IL19: variants seen among roughly 807,000 people sequenced by gnomAD.
The protein encoded by IL19 is interleukin 19.
IL19 carries 15 observed loss-of-function variants against 19.5 expected under a neutral mutation model. The observed-to-expected ratio is 0.77, with a 90% CI of 0.52 to 1.19. The LOEUF (loss-of-function observed/expected upper bound fraction) is 1.19, where lower values mean the gene tolerates loss of function less well. Ranked by LOEUF, IL19 falls within the 50% of genes most tolerant of loss-of-function variation. The pLI, the probability that IL19 is intolerant of heterozygous loss-of-function variation, is 0.00. For missense variants in IL19, 199 were observed against 213.1 expected (o/e 0.93, Z 0.41); for synonymous variants, 78 against 78.3 (o/e 1.00, Z 0.02).
intron 4 of IL19, 87 bp downstream of exon 4, chr1:206,837,110 C>A: frequency 9.5e-7 from 1 of 1,052,120 alleles, no homozygotes; most frequent in Non-Finnish European, 1.4e-6. Flanking sequence ...ACCTTGTCCC[C>A]TTCTCTTTCC....
At chr1:206,777,696 T>C (rs1174653503) in intron 1 of IL19, among the ~76,000 whole-genome samples, 2 of 152,228 alleles carry the variant, frequency 1.3e-5, no homozygotes, top group Admixed American at 6.5e-5. Context: ...CGTGCCCATC[T>C]TGGGGATGGG....
intron 5 of IL19, 64 bp from the exon 6 acceptor site, chr1:206,840,940 C>T: frequency 7.6e-6 from 10 of 1,307,970 alleles, no homozygotes; most frequent in Admixed American, 1.7e-5. Flanking sequence ...TGTGGGGAGG[C>T]AGGAGTAAGA....
intron 1 of IL19, among the ~76,000 whole-genome samples, chr1:206,787,210 A>G: frequency 6.6e-6 from 1 of 152,170 alleles, no homozygotes; most frequent in South Asian, 2.1e-4. Flanking sequence ...CACCAACAGA[A>G]TTCTTTCAAT....
rs571608526 is a variant in IL19 at position 206,771,180 on chromosome 1, C to T, written c.-149+102C>T. 133 of 1,254,834 alleles carry T rather than the reference C, an allele frequency of 1.1e-4. 1 individual carries two copies. The South Asian group carries it at 1.2e-3, about 12-fold the overall frequency. 77.7% of individuals were successfully genotyped at this position (1,254,834 alleles called of 1,614,324 possible). A position where few individuals can be genotyped will look rare whatever the true frequency, so the allele number is the denominator to read the frequency against. The stretch of plus-strand genomic sequence containing the variant: ...GATCCTCCTTCACCAGAAGCCTCCC[C>T]GAAGGGACTGAGCCCTTTGTAAACC... On this transcript the variant is annotated intron_variant, in intron 1 of 6. Coordinates refer to ENST00000659997, the MANE Select transcript of IL19 (RefSeq NM_153758.5).
intron 1 of IL19, among the ~76,000 whole-genome samples, chr1:206,777,091 C>T (rs1485702823): frequency 6.6e-6 from 1 of 151,440 alleles, no homozygotes; most frequent in Non-Finnish European, 1.5e-5. Context: ...ATTAGCTGGG[C>T]GTGGTGGCAG....
intron 6 of IL19, 49 bp from the exon 7 acceptor site, chr1:206,842,478 C>T (rs1436869262): frequency 1.7e-6 from 2 of 1,160,794 alleles, no homozygotes; most frequent in Non-Finnish European, 2.5e-6. Context: ...ACTTGAAAAC[C>T]ATTACACAGT....
chr1:206,791,149 C>T (rs1182822251), intron 1 of IL19, among the ~76,000 whole-genome samples: 1 of 152,150 alleles, frequency 6.6e-6, no homozygotes, highest in Admixed American at 6.5e-5. Flanking sequence ...TGAACTTTTC[C>T]TTTTCCTTCT....
At chr1:206,786,555 A>G (rs1344356547) in intron 1 of IL19, among the ~76,000 whole-genome samples, 1 of 152,164 alleles carries the variant, frequency 6.6e-6, no homozygotes, top group Non-Finnish European at 1.5e-5. Context: ...GTTTCATTTC[A>G]GGTAAAATCA....
At chr1:206,777,406 CAAAAAAAAA>C (rs761553258) in intron 1 of IL19, among the ~76,000 whole-genome samples, 1 of 54,040 alleles carries the variant, frequency 1.9e-5, no homozygotes, top group African/African-American at 6.5e-5. Context: ...GACTCCGTCT[CAAAAAAAAA>C]AAAAAAAAAA....
intron 1 of IL19, among the ~76,000 whole-genome samples, chr1:206,785,402 T>A (rs1675247055): frequency 6.6e-6 from 1 of 151,890 alleles, no homozygotes. Flanking sequence ...TTCTAGAGAG[T>A]CAGGAGGTCA....
chr1:206,828,006 C>A (rs1676485308), intron 2 of IL19, among the ~76,000 whole-genome samples: 1 of 152,110 alleles, frequency 6.6e-6, no homozygotes, highest in African/African-American at 2.4e-5. Context: ...TCACACAGAC[C>A]CTGGGGTGGC....
chr1:206,776,652 C>T (rs535820405), intron 1 of IL19, among the ~76,000 whole-genome samples: 20 of 152,080 alleles, frequency 1.3e-4, no homozygotes, highest in African/African-American at 4.3e-4. Context: ...GGAAGGTGAC[C>T]GCATATACCT....
chr1:206,836,577 C>A, intron 2 of IL19, 84 bp from the exon 3 acceptor site: 1 of 1,319,142 alleles, frequency 7.6e-7, no homozygotes, highest in Non-Finnish European at 1.0e-6. Flanking sequence ...GCCTTCGAGG[C>A]TGGAAAGGAG....
intron 1 of IL19, among the ~76,000 whole-genome samples, chr1:206,781,443 A>G (rs1287165276): frequency 2.0e-5 from 3 of 150,882 alleles, no homozygotes; most frequent in Non-Finnish European, 3.0e-5. Flanking sequence ...AAAAAAGAAA[A>G]AAAAAGAAAA....
intron 1 of IL19, among the ~76,000 whole-genome samples, chr1:206,785,162 C>A (rs953754840): frequency 2.0e-5 from 3 of 152,164 alleles, no homozygotes; most frequent in African/African-American, 4.8e-5. Flanking sequence ...GATGAATACT[C>A]GGGTCATGCA....
At chr1:206,817,560 T>C (rs1676189189) in intron 2 of IL19, among the ~76,000 whole-genome samples, 1 of 152,212 alleles carries the variant, frequency 6.6e-6, no homozygotes, top group Non-Finnish European at 1.5e-5. Context: ...AAATCTCATC[T>C]ATATCTCTAT....
chr1:206,772,206 C>T, intron 1 of IL19: 2 of 1,443,412 alleles, frequency 1.4e-6, no homozygotes, highest in Non-Finnish European at 1.9e-6. Context: ...TCTTATAGTT[C>T]CAGGAGAATG....
In IL19 at chr1:206,798,767, C is replaced by G. The variant is rs1039918629; in HGVS notation, c.-148-94C>G. 1.1e-5 allele frequency: 7 copies of G among 627,624 alleles called. No homozygotes were observed. The African/African-American group carries it at 1.3e-4, about 12-fold the overall frequency. The allele number at this position is 627,624 out of a possible 1,614,324, so 38.9% of individuals were successfully genotyped here. On this transcript the variant is annotated intron_variant, in intron 1 of 6. Transcript: ENST00000659997. ...GGGTTGAATTTTTGTAAAGAGGTTG[C>G]CGTGTGTGCACTTTTGCCGACCTCA...
At chr1:206,813,181 C>T (rs1676062441) in intron 2 of IL19, among the ~76,000 whole-genome samples, 1 of 152,184 alleles carries the variant, frequency 6.6e-6, no homozygotes, top group Admixed American at 6.5e-5. Context: ...CTTTGTGATC[C>T]TAGAGACCGG....
Sources: gnomAD v4.1 joint callset for allele counts (sites outside exome capture counted in the v4.1 genomes callset) on GRCh38, gnomAD v4.1.1 for gene constraint, MANE v1.5 for transcripts, NCBI Gene and HGNC (gene_info 2026-07-23, HGNC 2026-07-21) for gene names.